The following NAV3 variants were observed in gnomAD, a reference collection of about 807,000 sequenced individuals.
The protein encoded by NAV3 is neuron navigator 3.
Under a neutral mutation model 244.7 loss-of-function variants are expected in NAV3, and 87 were observed. The ratio of observed to expected loss-of-function variants is 0.36; its 90% CI spans 0.30 to 0.42. NAV3 has a LOEUF of 0.42. NAV3 is among the 20% of genes least tolerant of loss of function. NAV3 has a pLI of 1.00. For synonymous variants in NAV3, 1,126 were observed against 1,042.2 expected (o/e 1.08, Z -1.55); for missense variants, 2,663 against 2,893.3 (o/e 0.92, Z 1.83).
intron 12 of NAV3, among the ~76,000 whole-genome samples, chr12:78,103,496 C>G (rs1379032402): frequency 6.6e-6 from 1 of 152,146 alleles, no homozygotes; most frequent in East Asian, 1.9e-4. Flanking sequence ...ATACACAGTC[C>G]CAAAGTTACT....
At chr12:78,143,695 G>A (rs903542039) in intron 20 of NAV3, among the ~76,000 whole-genome samples, 1 of 151,218 alleles carries the variant, frequency 6.6e-6, no homozygotes, top group Non-Finnish European at 1.5e-5. Flanking sequence ...AGCCAACACT[G>A]TGAAATATTG....
chr12:77,892,706 C>T (rs185770123), intron 1 of NAV3, among the ~76,000 whole-genome samples: 226 of 152,286 alleles, frequency 1.5e-3, no homozygotes, highest in Non-Finnish European at 1.9e-3. Flanking sequence ...TGAGCCACTG[C>T]GCCCGGCCCA....
rs528413101 is a variant in NAV3 at position 77,731,975 on chromosome 12, G to A, written c.72+159709G>A. Among the ~76,000 whole-genome samples the A allele has an allele frequency of 4.6e-5, 7 of 151,900 alleles. No homozygotes were observed. In the East Asian group the frequency reaches 7.7e-4, roughly 17 times the overall value. On this transcript the variant is annotated intron_variant, in intron 2 of 8. Transcript: ENST00000550042. ...GACAGTTTTCATATGGGAGGAGCTCGAATAGGTTTATAGGCTACAGAGAAC... is the reference window on the plus strand; with the variant it reads ...GACAGTTTTCATATGGGAGGAGCTCAAATAGGTTTATAGGCTACAGAGAAC...
chr12:78,185,846 G>C (rs1321568650), intron 31 of NAV3, 148 bp downstream of exon 31: 4 of 627,496 alleles, frequency 6.4e-6, no homozygotes, highest in Non-Finnish European at 8.1e-6. Context: ...ACATGAAAAG[G>C]ACAATAAAAT....
chr12:78,059,575 C>G (rs1270754207), intron 12 of NAV3, among the ~76,000 whole-genome samples: 1 of 152,192 alleles, frequency 6.6e-6, no homozygotes, highest in Non-Finnish European at 1.5e-5. Flanking sequence ...GCATGAGCCT[C>G]TACGCCCCGC....
chr12:77,795,104 G>T (rs1311697216), intron 2 of NAV3, among the ~76,000 whole-genome samples: 2 of 152,166 alleles, frequency 1.3e-5, no homozygotes, highest in Non-Finnish European at 2.9e-5. Context: ...CTGAAAGCTA[G>T]GCTTAATGAG....
At chr12:77,640,154 T>C (rs1432507108) in intron 2 of NAV3, among the ~76,000 whole-genome samples, 2 of 152,122 alleles carry the variant, frequency 1.3e-5, no homozygotes, top group Non-Finnish European at 2.9e-5. Context: ...GTATTAAACT[T>C]CTAGAAAAGT....
chr12:77,722,389 A>G (rs1386798594), intron 2 of NAV3, among the ~76,000 whole-genome samples: 1 of 152,086 alleles, frequency 6.6e-6, no homozygotes, highest in African/African-American at 2.4e-5. Context: ...CGTTAAAGCA[A>G]CAGGTACTAT....
At chr12:77,948,864 T>C (rs1890613133) in intron 3 of NAV3, among the ~76,000 whole-genome samples, 1 of 151,908 alleles carries the variant, frequency 6.6e-6, no homozygotes, top group Non-Finnish European at 1.5e-5. Context: ...TATATTTAAA[T>C]TTTTTCAATA....
intron 34 of NAV3, among the ~76,000 whole-genome samples, chr12:78,193,169 C>T (rs1959057639): frequency 6.6e-6 from 1 of 152,180 alleles, no homozygotes; most frequent in Admixed American, 6.6e-5. Context: ...AACCACAAAT[C>T]ATCAAATGAA....
At chr12:78,095,034 T>G (rs1156418877) in intron 12 of NAV3, among the ~76,000 whole-genome samples, 1 of 145,852 alleles carries the variant, frequency 6.9e-6, no homozygotes, top group Non-Finnish European at 1.5e-5. Context: ...TGACAGAGAC[T>G]CCATATCAAA....
chr12:77,786,885 A>G (rs1870928290), intron 2 of NAV3, among the ~76,000 whole-genome samples: 1 of 152,074 alleles, frequency 6.6e-6, no homozygotes, highest in South Asian at 2.1e-4. Context: ...CCTCATCCCC[A>G]GTGCTGTCAT....
intron 2 of NAV3, among the ~76,000 whole-genome samples, chr12:77,643,216 A>G (rs1872492639): frequency 6.6e-6 from 1 of 152,014 alleles, no homozygotes; most frequent in South Asian, 2.1e-4. Flanking sequence ...TTAGTCTCGT[A>G]TATTAGTTAG....
intron 12 of NAV3, among the ~76,000 whole-genome samples, chr12:78,095,778 G>A (rs976269050): frequency 2.6e-5 from 4 of 152,160 alleles, no homozygotes; most frequent in Non-Finnish European, 5.9e-5. Flanking sequence ...TTTGTCTTGG[G>A]TAGGTGTTTC....
intron 2 of NAV3, among the ~76,000 whole-genome samples, chr12:77,807,804 C>T (rs1014646952): frequency 2.0e-5 from 3 of 152,136 alleles, no homozygotes; most frequent in African/African-American, 7.2e-5. Flanking sequence ...GTCACTTTCA[C>T]GTACACCAAT....
At chr12:77,686,770 G>T (rs558166854) in intron 2 of NAV3, among the ~76,000 whole-genome samples, 2 of 152,204 alleles carry the variant, frequency 1.3e-5, no homozygotes, top group South Asian at 2.1e-4. Flanking sequence ...ACAGTACGAG[G>T]TCTTAACATA....
intron 2 of NAV3, among the ~76,000 whole-genome samples, chr12:77,630,336 A>C (rs1284732627): frequency 6.6e-6 from 1 of 152,208 alleles, no homozygotes; most frequent in Admixed American, 6.5e-5. Context: ...CTATTCCTAT[A>C]GATTAGCAAA....
chr12:77,928,095 C>A (rs926444347), intron 1 of NAV3, among the ~76,000 whole-genome samples: 1 of 151,376 alleles, frequency 6.6e-6, no homozygotes, highest in Non-Finnish European at 1.5e-5. Flanking sequence ...TGGTGGTGTG[C>A]GCCTGTAATC....
intron 2 of NAV3, among the ~76,000 whole-genome samples, chr12:77,744,267 A>G (rs1868423409): frequency 6.6e-6 from 1 of 152,010 alleles, no homozygotes; most frequent in Admixed American, 6.6e-5. Context: ...AGACCCACAC[A>G]GATATGGTAC....
Sources: gnomAD v4.1 joint callset for allele counts (sites outside exome capture counted in the v4.1 genomes callset) on GRCh38, gnomAD v4.1.1 for gene constraint, MANE v1.5 for transcripts, NCBI Gene and HGNC (gene_info 2026-07-23, HGNC 2026-07-21) for gene names.